LDB2: variants seen among roughly 807,000 people sequenced by gnomAD.
LDB2 encodes the protein LIM domain binding 2.
LDB2 carries 12 observed loss-of-function variants against 44.3 expected under a neutral mutation model. That is an observed-to-expected ratio of 0.27 (90% confidence interval 0.17 to 0.44). The LOEUF (loss-of-function observed/expected upper bound fraction) is 0.44. Among genes scored for constraint, LDB2 ranks in the 20% least tolerant of loss-of-function variants. The pLI is 1.00. For synonymous variants in LDB2, 164 were observed against 174.8 expected (o/e 0.94, Z 0.49); for missense variants, 344 against 473.5 (o/e 0.73, Z 2.54).
intron 2 of LDB2, among the ~76,000 whole-genome samples, chr4:16,652,100 G>A (rs930066478): frequency 5.9e-5 from 9 of 152,026 alleles, no homozygotes; most frequent in African/African-American, 7.2e-5. Flanking sequence ...ACAGAGATGC[G>A]CCACCACACC....
intron 1 of LDB2, among the ~76,000 whole-genome samples, chr4:16,849,550 A>T (rs1404655592): frequency 6.6e-6 from 1 of 152,204 alleles, no homozygotes; most frequent in African/African-American, 2.4e-5. Context: ...CTGGTGGCTC[A>T]CTGAGGAGCC....
chr4:16,712,843 T>C (rs1373226689), intron 2 of LDB2, among the ~76,000 whole-genome samples: 1 of 152,204 alleles, frequency 6.6e-6, no homozygotes. Flanking sequence ...GATCCAATAA[T>C]TCTACTCTTA....
intron 2 of LDB2, among the ~76,000 whole-genome samples, chr4:16,716,548 G>A (rs866528246): frequency 3.9e-5 from 6 of 152,214 alleles, no homozygotes; most frequent in South Asian, 2.1e-4. Flanking sequence ...ATAAACTTTC[G>A]TCACCAATGA....
At chr4:16,780,665 A>T (rs1332833657) in intron 1 of LDB2, among the ~76,000 whole-genome samples, 2 of 152,134 alleles carry the variant, frequency 1.3e-5, no homozygotes. Flanking sequence ...ATCCCAATCC[A>T]GTATTTTCTC....
At chr4:16,659,308 A>G (rs1318999712) in intron 2 of LDB2, among the ~76,000 whole-genome samples, 3 of 152,158 alleles carry the variant, frequency 2.0e-5, no homozygotes, top group Non-Finnish European at 1.5e-5. Context: ...ACAGAGGTGG[A>G]TAAATCCCTG....
rs140611732 is a variant in LDB2, at chr4:16,521,955, G to A, written c.616-9851C>T. ...AGCCTCGTGTGTTGTGGCTAGGTATGCAAATTCAGCTGCGGTTCAAACTCC... is the reference window on the plus strand; with the variant it reads ...AGCCTCGTGTGTTGTGGCTAGGTATACAAATTCAGCTGCGGTTCAAACTCC... On this transcript the variant is annotated intron_variant, in intron 5 of 7. Transcript: ENST00000304523. Among the ~76,000 whole-genome samples the A allele has an allele frequency of 2.9e-3, 441 of 152,262 alleles. 2 individuals carry two copies. Among genetic ancestry groups the A allele is most frequent in the African/African-American group, 0.01 (418 of 41,522 alleles).
intron 1 of LDB2, among the ~76,000 whole-genome samples, chr4:16,862,994 C>T (rs1713236939): frequency 6.6e-6 from 1 of 152,120 alleles, no homozygotes; most frequent in Non-Finnish European, 1.5e-5. Context: ...CATCCATCAC[C>T]AGTGCTTCCT....
intron 2 of LDB2, among the ~76,000 whole-genome samples, chr4:16,709,018 C>T (rs1755269307): frequency 6.6e-6 from 1 of 152,118 alleles, no homozygotes; most frequent in African/African-American, 2.4e-5. Context: ...GGTTTGAAAT[C>T]AATGACAGCT....
intron 2 of LDB2, among the ~76,000 whole-genome samples, chr4:16,746,143 G>A (rs995650016): frequency 6.6e-6 from 1 of 152,166 alleles, no homozygotes; most frequent in African/African-American, 2.4e-5. Flanking sequence ...TGACTACAAA[G>A]GTGAATGACA....
chr4:16,688,059 G>T (rs1749694255), intron 2 of LDB2, among the ~76,000 whole-genome samples: 1 of 152,118 alleles, frequency 6.6e-6, no homozygotes, highest in African/African-American at 2.4e-5. Flanking sequence ...AAGAAAATAA[G>T]ATACAAAGAC....
At position 16,623,059 on chromosome 4, in the gene LDB2, C is replaced by T. The variant is rs138166933; in HGVS notation, c.236-27184G>A. Among the ~76,000 whole-genome samples, 106 of 152,190 alleles carry T rather than the reference C, an allele frequency of 7.0e-4. 2 individuals carry two copies. In the South Asian group the frequency reaches 0.015, roughly 21 times the overall value. On this transcript the variant is annotated intron_variant, in intron 2 of 7. Transcript: ENST00000304523. ...TAGAATGCATGCTTCAAGAGGGAGGCCCTTGTCTTTTTATTTATTCCTGTC... is the reference window on the plus strand; with the variant it reads ...TAGAATGCATGCTTCAAGAGGGAGGTCCTTGTCTTTTTATTTATTCCTGTC...
At chr4:16,735,056 T>C (rs1761600896) in intron 2 of LDB2, among the ~76,000 whole-genome samples, 1 of 152,104 alleles carries the variant, frequency 6.6e-6, no homozygotes, top group Admixed American at 6.6e-5. Flanking sequence ...TGCCATCACA[T>C]GGGTACAAAA....
intron 2 of LDB2, among the ~76,000 whole-genome samples, chr4:16,706,996 T>G (rs1754755845): frequency 6.6e-6 from 1 of 152,184 alleles, no homozygotes; most frequent in South Asian, 2.1e-4. Context: ...TTAATTTCAC[T>G]TTGGCAAACA....
At chr4:16,752,444 T>G (rs535689738) in intron 2 of LDB2, 2 of 454,556 alleles carry the variant, frequency 4.4e-6, no homozygotes, top group Non-Finnish European at 8.8e-6. Context: ...CCAATTGGTC[T>G]TAAATTCTTG....
At chr4:16,843,128 T>C (rs1188628703) in intron 1 of LDB2, among the ~76,000 whole-genome samples, 1 of 152,238 alleles carries the variant, frequency 6.6e-6, no homozygotes, top group Non-Finnish European at 1.5e-5. Context: ...GTTTACTTAA[T>C]ACAGCATAAA....
chr4:16,562,606 A>C (rs548325400), intron 5 of LDB2, among the ~76,000 whole-genome samples: 3 of 152,342 alleles, frequency 2.0e-5, no homozygotes, highest in Non-Finnish European at 4.4e-5. Context: ...GAACACTTTT[A>C]CACTGTTGGT....
At chr4:16,810,562 A>G (rs546197286) in intron 1 of LDB2, among the ~76,000 whole-genome samples, 1 of 31,462 alleles carries the variant, frequency 3.2e-5, no homozygotes. Flanking sequence ...TCAAATCAGT[A>G]AAAGGTTTTC....
intron 1 of LDB2, among the ~76,000 whole-genome samples, chr4:16,841,096 C>A (rs777452705): frequency 6.6e-6 from 1 of 152,180 alleles, no homozygotes; most frequent in Non-Finnish European, 1.5e-5. Context: ...TATGCCCGGA[C>A]TTATCTAACC....
chr4:16,622,209 A>G (rs1380331075), intron 2 of LDB2, among the ~76,000 whole-genome samples: 1 of 152,240 alleles, frequency 6.6e-6, no homozygotes, highest in Admixed American at 6.5e-5. Flanking sequence ...GCCGGATACC[A>G]GTTGGAAAAG....
Sources: allele counts gnomAD v4.1 joint callset (sites outside exome capture counted in the v4.1 genomes callset), GRCh38; gene constraint gnomAD v4.1.1; transcripts MANE v1.5; gene names NCBI Gene and HGNC (gene_info 2026-07-23, HGNC 2026-07-21).